The following FOXN3 variants were observed in gnomAD, a reference collection of about 807,000 sequenced individuals.
The protein encoded by FOXN3 is forkhead box protein N3.
In FOXN3, 7 loss-of-function variants were observed where a neutral mutation model predicts 38.4. The ratio of observed to expected loss-of-function variants is 0.18; its 90% CI spans 0.10 to 0.34. The LOEUF is 0.34. Ranked by LOEUF, FOXN3 falls within the 10% of genes least tolerant of loss-of-function variation. The pLI is 1.00. For synonymous variants in FOXN3, 230 were observed against 242.2 expected (o/e 0.95, Z 0.47); for missense variants, 456 against 613.4 (o/e 0.74, Z 2.71).
intron 4 of FOXN3, among the ~76,000 whole-genome samples, chr14:89,245,322 C>G (rs1389635575): frequency 6.6e-6 from 1 of 152,150 alleles, no homozygotes; most frequent in African/African-American, 2.4e-5. Flanking sequence ...GTGGATCATT[C>G]TCACCTTTAA....
intron 2 of FOXN3, among the ~76,000 whole-genome samples, chr14:89,403,909 G>T: frequency 6.6e-6 from 1 of 152,188 alleles, no homozygotes; most frequent in East Asian, 1.9e-4. Context: ...ATGTGAGACA[G>T]AAAACAGAGA....
intron 4 of FOXN3, among the ~76,000 whole-genome samples, chr14:89,225,176 G>A (rs1884595625): frequency 6.6e-6 from 1 of 151,532 alleles, no homozygotes; most frequent in South Asian, 2.1e-4. Flanking sequence ...GTGGGGATGT[G>A]TGCCTATAGT....
chr14:89,329,814 C>G (rs1019121873), intron 3 of FOXN3, among the ~76,000 whole-genome samples: 7 of 136,886 alleles, frequency 5.1e-5, no homozygotes, highest in African/African-American at 1.9e-4. Context: ...CGAGATCGTG[C>G]CACTGCACTC....
chr14:89,196,219 G>A (rs900870199), intron 4 of FOXN3, among the ~76,000 whole-genome samples: 1 of 152,228 alleles, frequency 6.6e-6, no homozygotes, highest in East Asian at 1.9e-4. Context: ...GCTGCAGGGA[G>A]ACAAACAGGT....
intron 3 of FOXN3, chr14:89,284,493 T>C (rs969246497): frequency 1.5e-5 from 7 of 455,968 alleles, no homozygotes; most frequent in Non-Finnish European, 3.1e-5. Context: ...TCTTCTGCTC[T>C]TCCAGCACTA....
intron 3 of FOXN3, among the ~76,000 whole-genome samples, chr14:89,307,952 A>C (rs1024675379): frequency 6.6e-6 from 1 of 152,234 alleles, no homozygotes; most frequent in Non-Finnish European, 1.5e-5. Flanking sequence ...TTGGAAGAAG[A>C]GCATGAAAAT....
At chr14:89,371,929 T>A (rs557780931) in intron 2 of FOXN3, among the ~76,000 whole-genome samples, 1 of 152,242 alleles carries the variant, frequency 6.6e-6, no homozygotes, top group African/African-American at 2.4e-5. Context: ...GGGATGGAAG[T>A]TCCCTGGGGG....
chr14:89,601,134 T>A (rs964959979), intron 1 of FOXN3, among the ~76,000 whole-genome samples: 6 of 152,318 alleles, frequency 3.9e-5, no homozygotes, highest in African/African-American at 1.4e-4. Context: ...TAAAATAGCG[T>A]TGATGCCTAA....
chr14:89,383,097 G>A (rs1163456312), intron 2 of FOXN3, among the ~76,000 whole-genome samples: 1 of 143,362 alleles, frequency 7.0e-6, no homozygotes, highest in Admixed American at 7.4e-5. Flanking sequence ...ATTACACTGC[G>A]GTAGCCAGGT....
At chr14:89,331,465 GC>G (rs1888245349) in intron 3 of FOXN3, among the ~76,000 whole-genome samples, 1 of 143,482 alleles carries the variant, frequency 7.0e-6, no homozygotes. Context: ...ATGGACGTTT[GC>G]GTTGTTTCCC....
intron 1 of FOXN3, among the ~76,000 whole-genome samples, chr14:89,610,805 C>A (rs1393550408): frequency 6.6e-6 from 1 of 152,208 alleles, no homozygotes; most frequent in Admixed American, 6.5e-5. Flanking sequence ...CAACTGCTCA[C>A]TGAATGAACG....
intron 3 of FOXN3, among the ~76,000 whole-genome samples, chr14:89,281,352 T>C (rs1197289968): frequency 1.3e-5 from 2 of 152,226 alleles, no homozygotes; most frequent in Admixed American, 6.5e-5. Flanking sequence ...ATTTCATGAA[T>C]GTATGTGGCA....
At chr14:89,561,015 A>C (rs1469152671) in intron 1 of FOXN3, among the ~76,000 whole-genome samples, 7 of 152,210 alleles carry the variant, frequency 4.6e-5, no homozygotes, top group Admixed American at 1.3e-4. Context: ...CTTCCGGTGA[A>C]GCCTCAGCTG....
At chr14:89,223,750 C>T (rs1450889180) in intron 4 of FOXN3, among the ~76,000 whole-genome samples, 1 of 152,078 alleles carries the variant, frequency 6.6e-6, no homozygotes, top group Non-Finnish European at 1.5e-5. Flanking sequence ...GGGGGAGAGG[C>T]GTCCTCATGG....
At chr14:89,600,736 CT>C (rs1896138713) in intron 1 of FOXN3, among the ~76,000 whole-genome samples, 1 of 152,128 alleles carries the variant, frequency 6.6e-6, no homozygotes. Flanking sequence ...CTGCCAGTTC[CT>C]GGACCCTATA....
chr14:89,204,709 T>C (rs1231437618), intron 4 of FOXN3, among the ~76,000 whole-genome samples: 1 of 152,188 alleles, frequency 6.6e-6, no homozygotes, highest in Admixed American at 6.5e-5. Flanking sequence ...ATTGGTACAA[T>C]GAGAAGGCTA....
chr14:89,261,509 G>A (rs1320291910), intron 4 of FOXN3, among the ~76,000 whole-genome samples: 1 of 152,182 alleles, frequency 6.6e-6, no homozygotes, highest in East Asian at 1.9e-4. Flanking sequence ...AGAAGAGAAG[G>A]AGGGCCGGCG....
chr14:89,288,300 GA>G (rs1309437917), intron 3 of FOXN3, among the ~76,000 whole-genome samples: 2 of 152,094 alleles, frequency 1.3e-5, no homozygotes, highest in Non-Finnish European at 2.9e-5. Flanking sequence ...ATCAAGATAA[GA>G]AATGGAATTG....
chr14:89,354,543 T>TAAAAA (rs760406905), intron 2 of FOXN3, among the ~76,000 whole-genome samples: 2 of 121,588 alleles, frequency 1.6e-5, no homozygotes, highest in African/African-American at 3.1e-5. Context: ...TGCTTTTTAT[T>TAAAAA]AAAAAAAAAA....
Sources: gnomAD v4.1 joint callset for allele counts (sites outside exome capture counted in the v4.1 genomes callset) on GRCh38, gnomAD v4.1.1 for gene constraint, MANE v1.5 for transcripts, NCBI Gene and HGNC (gene_info 2026-07-23, HGNC 2026-07-21) for gene names.